FOXP1: variants seen among roughly 807,000 people sequenced by gnomAD.
The protein encoded by FOXP1 is forkhead box P1.
Under a neutral mutation model 98.2 loss-of-function variants are expected in FOXP1, and 15 were observed. The observed-to-expected ratio is 0.15, with a 90% CI of 0.10 to 0.24. The LOEUF (loss-of-function observed/expected upper bound fraction) is 0.24. Ranked by LOEUF, FOXP1 falls within the 10% of genes least tolerant of loss-of-function variation. FOXP1 has a pLI of 1.00. For missense variants in FOXP1, 633 were observed against 848.5 expected (o/e 0.75, Z 3.15); for synonymous variants, 371 against 314.5 (o/e 1.18, Z -1.90).
At chr3:71,465,893 T>C (rs1478657483) in intron 3 of FOXP1, among the ~76,000 whole-genome samples, 1 of 152,176 alleles carries the variant, frequency 6.6e-6, no homozygotes, top group African/African-American at 2.4e-5. Context: ...GAACTGTGCA[T>C]GTGAGGGATC....
intron 4 of FOXP1, among the ~76,000 whole-genome samples, chr3:71,314,162 C>T (rs775221078): frequency 3.3e-5 from 5 of 152,200 alleles, no homozygotes; most frequent in Non-Finnish European, 7.3e-5. Flanking sequence ...GCCGTTATTA[C>T]GATCAGGGAT....
intron 7 of FOXP1, among the ~76,000 whole-genome samples, chr3:71,086,664 A>C (rs1215402601): frequency 2.0e-5 from 3 of 152,162 alleles, no homozygotes; most frequent in African/African-American, 7.2e-5. Context: ...GTCTCACCGG[A>C]TATTTTCCAG....
chr3:71,433,845 AC>A (rs2084958411), intron 3 of FOXP1, among the ~76,000 whole-genome samples: 1 of 152,166 alleles, frequency 6.6e-6, no homozygotes, highest in South Asian at 2.1e-4. Context: ...GTCTACACTT[AC>A]CTGCATTGTC....
chr3:71,430,449 T>A (rs1485634539), intron 3 of FOXP1, among the ~76,000 whole-genome samples: 2 of 152,032 alleles, frequency 1.3e-5, no homozygotes, highest in Admixed American at 1.3e-4. Flanking sequence ...GTAACAGATT[T>A]GAATCTTGGG....
chr3:71,567,025 G>C (rs1178125704), intron 2 of FOXP1, among the ~76,000 whole-genome samples: 1 of 152,104 alleles, frequency 6.6e-6, no homozygotes, highest in Non-Finnish European at 1.5e-5. Flanking sequence ...GTGTCAGGAG[G>C]AGCTATTGTG....
At chr3:71,346,053 G>A (rs2077340446) in intron 4 of FOXP1, among the ~76,000 whole-genome samples, 1 of 152,044 alleles carries the variant, frequency 6.6e-6, no homozygotes. Context: ...TTATTTCTAT[G>A]ATCAAAATCC....
chr3:71,377,507 C>T (rs1341597625), intron 3 of FOXP1, among the ~76,000 whole-genome samples: 1 of 152,100 alleles, frequency 6.6e-6, no homozygotes, highest in Non-Finnish European at 1.5e-5. Flanking sequence ...ACTTTTTCAT[C>T]CCCATCATCA....
At chr3:71,391,126 A>C (rs1321596359) in intron 3 of FOXP1, among the ~76,000 whole-genome samples, 3 of 152,230 alleles carry the variant, frequency 2.0e-5, no homozygotes, top group Non-Finnish European at 4.4e-5. Context: ...AGTATTCTCC[A>C]CTTGTAATAA....
intron 4 of FOXP1, among the ~76,000 whole-genome samples, chr3:71,357,776 G>A (rs1400439753): frequency 2.0e-5 from 3 of 152,152 alleles, no homozygotes; most frequent in African/African-American, 7.2e-5. Flanking sequence ...ATGAAGGAAC[G>A]CACTTGAATA....
chr3:71,454,931 C>A (rs1274553492), intron 3 of FOXP1, among the ~76,000 whole-genome samples: 1 of 152,136 alleles, frequency 6.6e-6, no homozygotes, highest in Non-Finnish European at 1.5e-5. Context: ...ATGTGCATCT[C>A]CTCTGTGCTG....
chr3:71,473,534 G>GA (rs1370243382), intron 3 of FOXP1, among the ~76,000 whole-genome samples: 2 of 152,044 alleles, frequency 1.3e-5, no homozygotes, highest in African/African-American at 2.4e-5. Flanking sequence ...AAAGTGGCAG[G>GA]AAAAACCACC....
intron 3 of FOXP1, among the ~76,000 whole-genome samples, chr3:71,483,260 G>A (rs985103112): frequency 6.6e-6 from 1 of 152,092 alleles, no homozygotes; most frequent in African/African-American, 2.4e-5. Context: ...AGTAAAGGAA[G>A]GACCTCACTA....
chr3:70,974,297 G>T (rs1442896019), intron 17 of FOXP1, among the ~76,000 whole-genome samples: 1 of 148,136 alleles, frequency 6.8e-6, no homozygotes, highest in Non-Finnish European at 1.5e-5. Flanking sequence ...TAAATAAGCA[G>T]TTTTTTTTTT....
At chr3:71,583,383 G>A (rs2048345383) in intron 1 of FOXP1, 188 bp downstream of exon 1, 1 of 858,384 alleles carries the variant, frequency 1.2e-6, no homozygotes, top group Non-Finnish European at 1.4e-6. Flanking sequence ...GAGAGGGGAG[G>A]GCTGGGGGAG....
At chr3:71,404,924 T>A (rs2082210298) in intron 3 of FOXP1, among the ~76,000 whole-genome samples, 2 of 152,192 alleles carry the variant, frequency 1.3e-5, no homozygotes, top group Non-Finnish European at 2.9e-5. Flanking sequence ...CAACCTCCTT[T>A]TCCCTGATGG....
At chr3:71,442,613 T>C (rs946248871) in intron 3 of FOXP1, among the ~76,000 whole-genome samples, 3 of 152,220 alleles carry the variant, frequency 2.0e-5, no homozygotes, top group African/African-American at 7.2e-5. Flanking sequence ...GCGGCCCCAG[T>C]AATAATGCCA....
At position 71,544,151 on chromosome 3, in the gene FOXP1, T is replaced by C. The variant is rs144205792; in HGVS notation, c.-298+37398A>G. On this transcript the variant is annotated intron_variant, in intron 2 of 20. Transcript: ENST00000649528. ...GAGCCGAATACATACAAGTGACCAA[T>C]GCCGTAGCAGTATTAAAAAGATATA... Among the ~76,000 whole-genome samples the C allele has an allele frequency of 8.6e-5, 13 of 151,786 alleles. No individual in the cohort carries two copies. The South Asian group carries it at 2.3e-3, about 27-fold the overall frequency.
chr3:71,578,598 G>A (rs111581710), intron 2 of FOXP1, among the ~76,000 whole-genome samples: 176 of 152,242 alleles, frequency 1.2e-3, no homozygotes, highest in African/African-American at 3.8e-3. Flanking sequence ...AATAAGATTG[G>A]CTGCAAAGAG....
chr3:71,433,528 G>A (rs1410096025), intron 3 of FOXP1, among the ~76,000 whole-genome samples: 1 of 152,172 alleles, frequency 6.6e-6, no homozygotes, highest in African/African-American at 2.4e-5. Context: ...AGGGCAGGCA[G>A]GGGAGACTTT....
Sources: gnomAD v4.1 joint callset for allele counts (sites outside exome capture counted in the v4.1 genomes callset) on GRCh38, gnomAD v4.1.1 for gene constraint, MANE v1.5 for transcripts, NCBI Gene and HGNC (gene_info 2026-07-23, HGNC 2026-07-21) for gene names.